WDPCP: variants seen among roughly 807,000 people sequenced by gnomAD.
WDPCP encodes the protein WD repeat-containing and planar cell polarity effector protein fritz homolog.
WDPCP carries 71 observed loss-of-function variants against 93.1 expected under a neutral mutation model. The observed-to-expected ratio is 0.76, with a 90% CI of 0.63 to 0.93. The LOEUF (loss-of-function observed/expected upper bound fraction) is 0.93. Ranked by LOEUF, WDPCP falls within the 40% of genes least tolerant of loss-of-function variation. WDPCP has a pLI of 0.00. For synonymous variants in WDPCP, 315 were observed against 315.0 expected (o/e 1.00, Z 0.00); for missense variants, 844 against 887.4 (o/e 0.95, Z 0.62).
chr2:63,390,071 A>G (rs1042954203), intron 10 of WDPCP, among the ~76,000 whole-genome samples: 1 of 152,172 alleles, frequency 6.6e-6, no homozygotes, highest in Admixed American at 6.5e-5. Context: ...AGAATTCTCT[A>G]CCCCTAATCA....
At chr2:63,723,624 T>A (rs549436838) in intron 2 of WDPCP, among the ~76,000 whole-genome samples, 1 of 152,188 alleles carries the variant, frequency 6.6e-6, no homozygotes, top group African/African-American at 2.4e-5. Flanking sequence ...TATATATTAA[T>A]GTCAGTTTGG....
chr2:63,416,397 G>A (rs905917981), intron 9 of WDPCP, among the ~76,000 whole-genome samples: 7 of 151,206 alleles, frequency 4.6e-5, no homozygotes, highest in African/African-American at 1.5e-4. Flanking sequence ...ACAGGGTTTC[G>A]CCATGTTGGC....
At chr2:63,123,907 CTT>C (rs199840796) in intron 17 of WDPCP, among the ~76,000 whole-genome samples, 1 of 135,442 alleles carries the variant, frequency 7.4e-6, no homozygotes, top group Non-Finnish European at 1.6e-5. Flanking sequence ...CTTTTCTTTT[CTT>C]TTTTTTTTTG....
chr2:63,271,695 T>G (rs1682666711), intron 13 of WDPCP, among the ~76,000 whole-genome samples: 1 of 152,168 alleles, frequency 6.6e-6, no homozygotes, highest in African/African-American at 2.4e-5. Context: ...CTGCCACTGC[T>G]TCCACTGCCC....
chr2:63,834,731 G>T, the WDPCP span, among the ~76,000 whole-genome samples: 2 of 152,166 alleles, frequency 1.3e-5, no homozygotes, highest in Non-Finnish European at 2.9e-5. Context: ...TCAGTAGCTG[G>T]TTCCTGAAGT....
intron 2 of WDPCP, 63 bp downstream of exon 2, chr2:63,492,793 G>C: frequency 6.9e-7 from 1 of 1,454,854 alleles, no homozygotes. Flanking sequence ...ACCTTTGCTA[G>C]TACTTATTTA....
intron 6 of WDPCP, among the ~76,000 whole-genome samples, chr2:63,471,275 A>G (rs1053969344): frequency 6.6e-6 from 1 of 152,238 alleles, no homozygotes; most frequent in African/African-American, 2.4e-5. Flanking sequence ...GAATGGTCAC[A>G]AGCTGCCCCT....
At chr2:63,181,500 T>C (rs1674237480) in intron 14 of WDPCP, among the ~76,000 whole-genome samples, 2 of 152,158 alleles carry the variant, frequency 1.3e-5, no homozygotes, top group Non-Finnish European at 2.9e-5. Context: ...ATCAGTTGTC[T>C]GTAGGTATAT....
At chr2:63,164,928 C>G (rs1370862804) in intron 15 of WDPCP, among the ~76,000 whole-genome samples, 1 of 151,888 alleles carries the variant, frequency 6.6e-6, no homozygotes, top group African/African-American at 2.4e-5. Flanking sequence ...TATTAAAATA[C>G]CTACTTAACA....
intron 2 of WDPCP, among the ~76,000 whole-genome samples, chr2:63,670,025 T>C (rs946130329): frequency 6.6e-6 from 1 of 152,182 alleles, no homozygotes; most frequent in African/African-American, 2.4e-5. Context: ...TTAAATGAGG[T>C]AGTTAAGAAA....
the WDPCP span, among the ~76,000 whole-genome samples, chr2:63,835,523 A>G: frequency 1.5e-4 from 23 of 152,120 alleles, no homozygotes; most frequent in Admixed American, 1.2e-3. Flanking sequence ...GTAGCAAATC[A>G]ACCTCCAGAA....
intron 12 of WDPCP, among the ~76,000 whole-genome samples, chr2:63,377,670 T>C (rs1182747012): frequency 2.0e-5 from 3 of 151,650 alleles, no homozygotes; most frequent in Non-Finnish European, 4.4e-5. Context: ...TGCTCTAAAT[T>C]GTGTGCTAAT....
intron 14 of WDPCP, among the ~76,000 whole-genome samples, chr2:63,209,453 A>C (rs1355412451): frequency 2.0e-5 from 3 of 152,234 alleles, no homozygotes; most frequent in Admixed American, 6.5e-5. Flanking sequence ...TCATGTTGGC[A>C]TTCAGAGGAC....
At chr2:63,696,491 C>T (rs1020514759) in intron 2 of WDPCP, among the ~76,000 whole-genome samples, 1 of 152,118 alleles carries the variant, frequency 6.6e-6, no homozygotes, top group Non-Finnish European at 1.5e-5. Flanking sequence ...GGGTCCCTTC[C>T]CCTTCTCTCC....
intron 14 of WDPCP, among the ~76,000 whole-genome samples, chr2:63,218,240 G>A (rs1017943564): frequency 6.6e-6 from 1 of 152,036 alleles, no homozygotes. Flanking sequence ...CATTTTTATT[G>A]AATATATTAT....
chr2:63,180,009 C>G (rs1187109070), intron 14 of WDPCP, among the ~76,000 whole-genome samples: 1 of 151,874 alleles, frequency 6.6e-6, no homozygotes, highest in Non-Finnish European at 1.5e-5. Flanking sequence ...ATGTTCTGTT[C>G]TTTATATAGA....
intron 13 of WDPCP, among the ~76,000 whole-genome samples, chr2:63,281,627 T>C (rs976216254): frequency 9.9e-5 from 15 of 152,208 alleles, no homozygotes; most frequent in Admixed American, 3.9e-4. Context: ...ATATATACTA[T>C]GGAATACTAC....
chr2:63,662,196 G>A (rs1341033241), intron 2 of WDPCP, among the ~76,000 whole-genome samples: 1 of 152,238 alleles, frequency 6.6e-6, no homozygotes, highest in South Asian at 2.1e-4. Flanking sequence ...TACTTTGGTG[G>A]TAAATAGCTG....
chr2:63,131,740 A>T (rs901871033), intron 17 of WDPCP, among the ~76,000 whole-genome samples: 1 of 151,704 alleles, frequency 6.6e-6, no homozygotes, highest in African/African-American at 2.4e-5. Flanking sequence ...CATTTCTTGT[A>T]GGGAACATCT....
Sources: gnomAD v4.1 joint callset for allele counts (sites outside exome capture counted in the v4.1 genomes callset) on GRCh38, gnomAD v4.1.1 for gene constraint, MANE v1.5 for transcripts, NCBI Gene and HGNC (gene_info 2026-07-23, HGNC 2026-07-21) for gene names.